The following MSTO1 variants were observed in gnomAD, a reference collection of about 807,000 sequenced individuals.
MSTO1 encodes protein misato homolog 1.
In MSTO1, 24 loss-of-function variants were observed where a neutral mutation model predicts 55.7. The observed-to-expected ratio is 0.43, with a 90% confidence interval of 0.31 to 0.61. The LOEUF (loss-of-function observed/expected upper bound fraction) is 0.61, where lower values mean the gene tolerates loss of function less well. MSTO1 is among the 20% of genes least tolerant of loss of function. The pLI is 0.09. For missense variants in MSTO1, 363 were observed against 625.7 expected (o/e 0.58, Z 4.48); for synonymous variants, 162 against 252.8 (o/e 0.64, Z 3.41).
chr1:155,598,410 C>T, the MSTO1 span, among the ~76,000 whole-genome samples: 4 of 152,206 alleles, frequency 2.6e-5, no homozygotes, highest in Non-Finnish European at 4.4e-5. Flanking sequence ...CCACCGCACC[C>T]GGCCAGGATT....
At chr1:155,582,290 A>G in the MSTO1 span, among the ~76,000 whole-genome samples, 1 of 152,206 alleles carries the variant, frequency 6.6e-6, no homozygotes, top group African/African-American at 2.4e-5. Context: ...TTCAAATGAC[A>G]TGAAAAGACT....
chr1:155,597,016 A>G, the MSTO1 span, among the ~76,000 whole-genome samples: 19 of 152,120 alleles, frequency 1.2e-4, no homozygotes, highest in African/African-American at 4.6e-4. Context: ...CTGAGGTTGG[A>G]GGATCTTATG....
At chr1:155,577,015 CAAAAAAAAAA>C in the MSTO1 span, among the ~76,000 whole-genome samples, 8 of 34,656 alleles carry the variant, frequency 2.3e-4, no homozygotes, top group African/African-American at 8.1e-4. Context: ...AACTCCGTCT[CAAAAAAAAAA>C]AAAAAAAAAA....
At chr1:155,569,434 CTTTTTTTTTTTT>C in the MSTO1 span, among the ~76,000 whole-genome samples, 3 of 89,780 alleles carry the variant, frequency 3.3e-5, no homozygotes, top group South Asian at 7.2e-4. Context: ...TGCGCCCGGT[CTTTTTTTTTTTT>C]TTTTTTTTTG....
the MSTO1 span, among the ~76,000 whole-genome samples, chr1:155,572,495 C>T: frequency 1.3e-5 from 2 of 151,938 alleles, no homozygotes; most frequent in African/African-American, 2.4e-5. Context: ...TGGTGGATCA[C>T]GAAGTCAGGA....
upstream of MSTO1, among the ~76,000 whole-genome samples, chr1:155,609,243 ATTTT>A (rs1185140621): frequency 1.6e-4 from 9 of 54,576 alleles, no homozygotes; most frequent in East Asian, 1.9e-3. Flanking sequence ...ATATATATAT[ATTTT>A]TTTTTTTTTT....
upstream of MSTO1, among the ~76,000 whole-genome samples, chr1:155,606,065 G>A (rs1343903844): frequency 6.6e-6 from 1 of 151,776 alleles, no homozygotes. Context: ...ACAGAGTCTT[G>A]CTCTATCACC....
At chr1:155,590,710 C>A in the MSTO1 span, 1 of 1,554,828 alleles carries the variant, frequency 6.4e-7, no homozygotes, top group Non-Finnish European at 8.7e-7. Context: ...CCCGGAGGGG[C>A]AAGTGCAGCA....
the MSTO1 span, among the ~76,000 whole-genome samples, chr1:155,569,526 C>A: frequency 1.3e-5 from 2 of 150,998 alleles, no homozygotes; most frequent in Non-Finnish European, 2.9e-5. Context: ...CAACCTCCCC[C>A]TCCCGGGTTC....
chr1:155,589,648 G>GT, the MSTO1 span, among the ~76,000 whole-genome samples: 1 of 152,082 alleles, frequency 6.6e-6, no homozygotes, highest in South Asian at 2.1e-4. Flanking sequence ...AATCACTGTT[G>GT]TAAGTCCAAG....
At chr1:155,566,691 C>T in the MSTO1 span, among the ~76,000 whole-genome samples, 1 of 152,012 alleles carries the variant, frequency 6.6e-6, no homozygotes, top group African/African-American at 2.4e-5. Flanking sequence ...TCTCGGCTTA[C>T]TGCAACCTCC....
the MSTO1 span, among the ~76,000 whole-genome samples, chr1:155,580,125 G>A: frequency 2.0e-5 from 3 of 151,380 alleles, no homozygotes; most frequent in Non-Finnish European, 4.4e-5. Context: ...TGGGTATAGT[G>A]GCTCGCACAT....
chr1:155,597,125 G>C, the MSTO1 span, among the ~76,000 whole-genome samples: 25 of 151,816 alleles, frequency 1.6e-4, no homozygotes. Flanking sequence ...AAAAGACAAA[G>C]ACATGAGTGA....
At chr1:155,581,925 C>T in the MSTO1 span, among the ~76,000 whole-genome samples, 21 of 149,910 alleles carry the variant, frequency 1.4e-4, no homozygotes, top group Non-Finnish European at 1.9e-4. Context: ...TTCCGAGTAG[C>T]TGGGACTACA....
the MSTO1 span, among the ~76,000 whole-genome samples, chr1:155,589,262 C>T: frequency 8.6e-5 from 13 of 151,646 alleles, no homozygotes; most frequent in African/African-American, 2.7e-4. Flanking sequence ...CATGCCACTG[C>T]ACTCTAGCCT....
the MSTO1 span, chr1:155,602,099 G>T: frequency 1.4e-6 from 1 of 701,742 alleles, no homozygotes; most frequent in African/African-American, 1.8e-5. Flanking sequence ...AAATTGCCGG[G>T]ATGTTCTGCA....
At chr1:155,575,584 A>G in the MSTO1 span, among the ~76,000 whole-genome samples, 1 of 151,840 alleles carries the variant, frequency 6.6e-6, no homozygotes, top group Admixed American at 6.6e-5. Flanking sequence ...CTGGGTCCAC[A>G]GTGGCACGCC....
the MSTO1 span, among the ~76,000 whole-genome samples, chr1:155,569,386 C>T: frequency 4.0e-5 from 6 of 149,770 alleles, no homozygotes; most frequent in South Asian, 2.1e-4. Context: ...CCGCCCATCT[C>T]GGCCTCCCAA....
rs71628674 is a variant in MSTO1 at position 155,611,520 on chromosome 1, T to C, written c.367-29T>C. The C allele has an allele frequency of 0.28, 445,924 of 1,612,086 alleles. 67,928 individuals carry two copies. Among genetic ancestry groups the C allele is most frequent in the East Asian group, 0.72 (32,238 of 44,728 alleles). ...CCTTTGCCTCTAAACTGCCTGGAAC[T>C]AAATGTCGATTTTTCTGACCCCTCC... On this transcript the variant is annotated intron_variant, in intron 4 of 13. Coordinates refer to ENST00000245564, the MANE Select transcript of MSTO1 (RefSeq NM_018116.4).
Sources: gnomAD v4.1 joint callset for allele counts (sites outside exome capture counted in the v4.1 genomes callset) on GRCh38, gnomAD v4.1.1 for gene constraint, MANE v1.5 for transcripts, NCBI Gene and HGNC (gene_info 2026-07-23, HGNC 2026-07-21) for gene names.